Variants in SFMBT2 observed in about 807,000 individuals in gnomAD.
SFMBT2 encodes scm-like with four MBT domains protein 2.
Under a neutral mutation model 110.1 loss-of-function variants are expected in SFMBT2, and 38 were observed. The observed-to-expected ratio is 0.35, with a 90% CI of 0.27 to 0.45. SFMBT2 has a LOEUF of 0.45. Ranked by LOEUF, SFMBT2 falls within the 20% of genes least tolerant of loss-of-function variation. The pLI, the probability that SFMBT2 is intolerant of heterozygous loss-of-function variation, is 1.00. For synonymous variants in SFMBT2, 425 were observed against 425.4 expected (o/e 1.00, Z 0.01); for missense variants, 1,011 against 1,094.9 (o/e 0.92, Z 1.08).
At chr10:7,197,075 A>G (rs1838796406) in intron 15 of SFMBT2, among the ~76,000 whole-genome samples, 1 of 152,112 alleles carries the variant, frequency 6.6e-6, no homozygotes, top group East Asian at 1.9e-4. Flanking sequence ...TGCAGGTACC[A>G]GGTGCTCGGA....
chr10:7,345,149 A>C (rs1157257659), intron 4 of SFMBT2, among the ~76,000 whole-genome samples: 1 of 151,902 alleles, frequency 6.6e-6, no homozygotes, highest in African/African-American at 2.4e-5. Context: ...CAGAATCAGA[A>C]AGCTGAATGG....
At chr10:7,179,586 G>A (rs969924078) in intron 16 of SFMBT2, among the ~76,000 whole-genome samples, 1 of 152,020 alleles carries the variant, frequency 6.6e-6, no homozygotes, top group Middle Eastern at 3.4e-3. Flanking sequence ...GCTCACTATC[G>A]AGATTCTTAG....
chr10:7,180,414 C>T (rs140539870), intron 16 of SFMBT2, among the ~76,000 whole-genome samples: 7,401 of 151,702 alleles, frequency 0.049, 528 homozygotes, highest in African/African-American at 0.16. Context: ...GCTGGGATTA[C>T]AGGCGTGAGT....
At chr10:7,202,869 T>G in intron 12 of SFMBT2, 1 of 985,164 alleles carries the variant, frequency 1.0e-6, no homozygotes, top group Non-Finnish European at 1.2e-6. Flanking sequence ...TCCGGAATGA[T>G]TTTTTTCCAA....
chr10:7,332,525 C>A (rs1439235582), intron 4 of SFMBT2, among the ~76,000 whole-genome samples: 1 of 152,116 alleles, frequency 6.6e-6, no homozygotes, highest in Non-Finnish European at 1.5e-5. Flanking sequence ...TATTTATTTG[C>A]GCTTGTAAAA....
At position 7,171,762 on chromosome 10, in the gene SFMBT2, G is replaced by T; in HGVS notation, c.2415+133C>A. Reference sequence around the variant, plus strand: ...AAGTGCCAGCCTTTGTTCCTGACTTGGGAACTAGCTAGAGCAGCTGCTGCT... The same window carrying T: ...AAGTGCCAGCCTTTGTTCCTGACTTTGGAACTAGCTAGAGCAGCTGCTGCT... On this transcript the variant is annotated intron_variant, in intron 19 of 20. Transcript: ENST00000397167. This position sits in a 1 kb window ranked among gnomAD's most constrained non-coding sequence, Gnocchi z 4.9. The T allele has an allele frequency of 9.5e-7, 1 of 1,056,046 alleles. No homozygotes were observed. Among genetic ancestry groups the T allele is most frequent in the Non-Finnish European group, 1.2e-6 (1 of 808,376 alleles). 65.4% of individuals were successfully genotyped at this position (1,056,046 alleles called of 1,614,324 possible). A position where few individuals can be genotyped will look rare whatever the true frequency, so the allele number is the denominator to read the frequency against.
chr10:7,364,237 C>A (rs1355676304), intron 4 of SFMBT2, among the ~76,000 whole-genome samples: 1 of 152,194 alleles, frequency 6.6e-6, no homozygotes, highest in African/African-American at 2.4e-5. Flanking sequence ...TTTTTGAGTT[C>A]TTTAAAAAAT....
At chr10:7,263,305 G>T (rs904030523) in intron 7 of SFMBT2, among the ~76,000 whole-genome samples, 1 of 152,000 alleles carries the variant, frequency 6.6e-6, no homozygotes, top group Admixed American at 6.6e-5. Context: ...ACAATGGCGC[G>T]ATCTCAGCTT....
intron 4 of SFMBT2, among the ~76,000 whole-genome samples, chr10:7,302,550 C>G (rs17334706): frequency 0.073 from 11,076 of 152,278 alleles, 537 homozygotes; most frequent in Non-Finnish European, 0.11. Context: ...CATGACTATT[C>G]TGTAAGCAGA....
intron 20 of SFMBT2, among the ~76,000 whole-genome samples, chr10:7,164,751 AC>A (rs1280303462): frequency 9.9e-5 from 5 of 50,414 alleles, no homozygotes; most frequent in Non-Finnish European, 1.5e-4. Context: ...AGGGAAACAC[AC>A]ACACACACAC....
At chr10:7,375,749 A>T (rs1204542768) in intron 2 of SFMBT2, among the ~76,000 whole-genome samples, 1 of 123,814 alleles carries the variant, frequency 8.1e-6, no homozygotes, top group Non-Finnish European at 1.6e-5. Flanking sequence ...GAAAAGAAAA[A>T]ACCACACACA....
chr10:7,393,744 G>A (rs1337101898), intron 1 of SFMBT2, among the ~76,000 whole-genome samples: 1 of 152,156 alleles, frequency 6.6e-6, no homozygotes, highest in Non-Finnish European at 1.5e-5. Flanking sequence ...CGGGATTCAC[G>A]TGTCCAACTA....
At chr10:7,275,356 C>CA (rs1054182429) in intron 7 of SFMBT2, among the ~76,000 whole-genome samples, 1 of 152,108 alleles carries the variant, frequency 6.6e-6, no homozygotes, top group Non-Finnish European at 1.5e-5. Flanking sequence ...GAGAAAGGGG[C>CA]AGGGGAGACG....
At chr10:7,227,125 A>T (rs1234089136) in intron 10 of SFMBT2, among the ~76,000 whole-genome samples, 1 of 152,254 alleles carries the variant, frequency 6.6e-6, no homozygotes, top group Non-Finnish European at 1.5e-5. Flanking sequence ...TATATGAAGC[A>T]GGTAGTAGCT....
At chr10:7,299,346 G>A (rs1163234829) in intron 4 of SFMBT2, among the ~76,000 whole-genome samples, 1 of 152,094 alleles carries the variant, frequency 6.6e-6, no homozygotes, top group Non-Finnish European at 1.5e-5. Context: ...GTCTGACAAA[G>A]GGCTAATATC....
At chr10:7,241,256 C>T (rs1375913551) in intron 9 of SFMBT2, 6 of 848,068 alleles carry the variant, frequency 7.1e-6, no homozygotes, top group Non-Finnish European at 8.5e-6. Context: ...ATTACCCAGT[C>T]TCAGGTATGT....
At chr10:7,169,968 G>A (rs1388702600) in intron 20 of SFMBT2, among the ~76,000 whole-genome samples, 2 of 152,176 alleles carry the variant, frequency 1.3e-5, no homozygotes, top group African/African-American at 4.8e-5. Context: ...AAGAAGTGAG[G>A]AAGGTAAGAA....
In SFMBT2 at chr10:7,313,480, G is replaced by A. The variant is rs77939474; in HGVS notation, c.437-27526C>T. 7.3e-3 allele frequency among the ~76,000 whole-genome samples: 1,107 copies of A among 152,242 alleles called. 20 individuals carry two copies. The highest frequency in any genetic ancestry group is 0.025 in the African/African-American group (1,035 of 41,544). On this transcript the variant is annotated intron_variant, in intron 4 of 20. Transcript: ENST00000397167. The stretch of plus-strand genomic sequence containing the variant: ...GTACAGGTGAATGCCACCAATCTTC[G>A]ATAGTTTTTGTGTTTTCTCTACAGA...
chr10:7,164,418 G>A (rs1837638787), intron 20 of SFMBT2: 3 of 984,758 alleles, frequency 3.0e-6, no homozygotes, highest in South Asian at 9.4e-5. Flanking sequence ...ACAAATACAA[G>A]AGCTTTTGGC....
Sources: gnomAD v4.1 joint callset for allele counts (sites outside exome capture counted in the v4.1 genomes callset) on GRCh38, gnomAD v4.1.1 for gene constraint, Gnocchi (gnomAD v3.1) non-coding constraint, MANE v1.5 for transcripts, NCBI Gene and HGNC (gene_info 2026-07-23, HGNC 2026-07-21) for gene names.